Variants in BCOR observed in about 807,000 individuals in gnomAD.
BCOR encodes the protein BCL6 corepressor.
A neutral mutation model predicts 86.7 loss-of-function variants in BCOR; 10 were observed. The ratio of observed to expected loss-of-function variants is 0.12; its 90% CI spans 0.07 to 0.20. The LOEUF is 0.20. Ranked by LOEUF, BCOR falls within the 10% of genes least tolerant of loss-of-function variation. BCOR has a pLI of 1.00. For synonymous variants in BCOR, 611 were observed against 609.0 expected (o/e 1.00, Z -0.05); for missense variants, 1,259 against 1,452.1 (o/e 0.87, Z 2.16).
At chrX:40,114,978 A>G (rs1192904554) in intron 1 of BCOR, among the ~76,000 whole-genome samples, 2 of 105,539 alleles carry the variant, frequency 1.9e-5, no homozygotes, top group Non-Finnish European at 3.9e-5. Flanking sequence ...TCAGCCTCTC[A>G]TGTAGCTGGG....
At chrX:40,061,646 G>A (rs1215421117) in intron 10 of BCOR, among the ~76,000 whole-genome samples, 1 of 95,222 alleles carries the variant, frequency 1.1e-5, no homozygotes, top group Admixed American at 1.1e-4. Context: ...CCCCCACTCA[G>A]AAAGAGACCT....
Position 40,063,782 on chromosome X carries a change from C to T in BCOR, c.3673G>A (p.Ala1225Thr), listed in dbSNP as rs2147056377. The T allele has an allele frequency of 8.3e-7, 1 of 1,211,787 alleles. No individual in the cohort carries two copies. The highest frequency in any genetic ancestry group is 1.1e-6 in the Non-Finnish European group (1 of 895,544). The change falls in exon 8 of 15, where the codon GCA becomes ACA. Residue 1225 changes from alanine to threonine, a missense_variant. Around this residue, in one of 7 missense-constraint regions of BCOR, gnomAD observed 305 missense variants for 286.1 expected, o/e 1.07. Coordinates refer to ENST00000378444, the MANE Select transcript of BCOR (RefSeq NM_001123385.2). ...RERWEQQVSA[A>T]DGKPGRQSRK... ...CTTTGCCGGCCAGGTTTGCCATCTG[C>T]TGCCGACACCTGCTGCTCCCATCGT...
chrX:40,171,621 A>G (rs2148032171), intron 1 of BCOR, among the ~76,000 whole-genome samples: 1 of 112,697 alleles, frequency 8.9e-6, no homozygotes, highest in Non-Finnish European at 1.9e-5. Context: ...GACCCCGGCC[A>G]GGCGTGGAGT....
chrX:40,120,703 A>C (rs756632873), intron 1 of BCOR, among the ~76,000 whole-genome samples: 5 of 112,125 alleles, frequency 4.5e-5, no homozygotes, highest in African/African-American at 1.3e-4. Flanking sequence ...CACCCCAGGA[A>C]ACAAAACAAA....
intron 1 of BCOR, among the ~76,000 whole-genome samples, chrX:40,155,607 T>C (rs1358012232): frequency 4.6e-5 from 5 of 108,898 alleles, no homozygotes; most frequent in Non-Finnish European, 7.7e-5. Context: ...ACTCGGACTC[T>C]CAGGCCCTCC....
intron 1 of BCOR, among the ~76,000 whole-genome samples, chrX:40,129,112 C>T (rs1937576462): frequency 9.0e-6 from 1 of 111,515 alleles, no homozygotes; most frequent in South Asian, 3.7e-4. Context: ...CCCAAATGGA[C>T]AGTCTTTCCT....
intron 1 of BCOR, among the ~76,000 whole-genome samples, chrX:40,170,962 C>G (rs1292975589): frequency 1.2e-4 from 13 of 111,657 alleles, no homozygotes. Context: ...TTACAAAGTG[C>G]CTTCACATTT....
At chrX:40,084,201 C>A (rs1271742171) in intron 1 of BCOR, among the ~76,000 whole-genome samples, 1 of 112,034 alleles carries the variant, frequency 8.9e-6, no homozygotes, top group Non-Finnish European at 1.9e-5. Context: ...CTGAGGGTCG[C>A]TGCCGAACCT....
At position 40,057,236 on chromosome X, in the gene BCOR, C is replaced by A. The variant is rs1366753987; in HGVS notation, c.4514G>T (p.Cys1505Phe). The A allele has an allele frequency of 8.3e-7, 1 of 1,212,061 alleles. No homozygotes were observed. The highest frequency in any genetic ancestry group is 2.2e-5 in the Admixed American group (1 of 46,116). Residue 1505 changes from cysteine (C) to phenylalanine (F), a missense_variant, in exon 11 of 15, where the codon TGT becomes TTT. Physicochemically the swap from Cys to Phe is radical, Grantham distance 205. Coordinates refer to ENST00000378444, the MANE Select transcript of BCOR (RefSeq NM_001123385.2). ...CACAATGTTGAGCCAGCCCCTAGCA[C>A]AAGCTTCATGCAGGGCGCAGTAACC... ...NAGYCALHEA[C>F]ARGWLNIVRH... is the part of the protein sequence containing the mutation.
At chrX:40,147,705 G>A (rs2147980159) in intron 1 of BCOR, among the ~76,000 whole-genome samples, 1 of 113,261 alleles carries the variant, frequency 8.8e-6, no homozygotes, top group African/African-American at 3.2e-5. Flanking sequence ...AGGGAGGCTC[G>A]GTCGAAGACC....
At chrX:40,132,279 G>C (rs779535295) in intron 1 of BCOR, among the ~76,000 whole-genome samples, 4 of 111,853 alleles carry the variant, frequency 3.6e-5, no homozygotes, top group African/African-American at 1.3e-4. Flanking sequence ...AGCTGAGTCC[G>C]TTCCAGAATT....
chrX:40,074,002 C>T lies in BCOR; in HGVS notation c.1344G>A (p.Val448=), dbSNP rs749725951. 4.1e-6 allele frequency: 5 copies of T among 1,210,975 alleles called. No homozygotes were observed. In the African/African-American group the frequency reaches 8.7e-5, roughly 21 times the overall value. ...DKPLDLSSKV[V]DVDASKADHM... The stretch of plus-strand genomic sequence containing the variant: ...GGTCAGCTTTGGAAGCATCTACATC[C>T]ACCACTTTAGAAGACAAGTCTAGTG... Residue 448 remains valine (V), a synonymous_variant, in exon 4 of 15, where the codon GTG becomes GTA. Transcript: ENST00000378444.
At position 40,072,437 on chromosome X, in the gene BCOR, G is replaced by A. The variant is rs771757019; in HGVS notation, c.2909C>T (p.Ala970Val). Residue 970 changes from alanine to valine, a missense_variant, in exon 4 of 15, where the codon GCG becomes GTG. Around this residue, in one of 7 missense-constraint regions of BCOR, gnomAD observed 56 missense variants for 106.6 expected, o/e 0.53. Transcript: ENST00000378444. ...TTTGAATCGGTCACCCACGTAACCC[G>A]CTGAGTTGGCGATTCTCTTTGCCAG... ...SKLAKRIANS[A>V]GYVGDRFKCV... The A allele has an allele frequency of 2.5e-6, 3 of 1,210,608 alleles. No individual in the cohort carries two copies. Among genetic ancestry groups the A allele is most frequent in the Admixed American group, 2.2e-5 (1 of 45,996 alleles).
At chrX:40,173,381 G>A (rs751571138) in intron 1 of BCOR, among the ~76,000 whole-genome samples, 1 of 112,293 alleles carries the variant, frequency 8.9e-6, no homozygotes, top group Non-Finnish European at 1.9e-5. Flanking sequence ...AAGGTGCTTA[G>A]AACGCTGCCT....
intron 1 of BCOR, among the ~76,000 whole-genome samples, chrX:40,095,831 G>A (rs749291335): frequency 3.9e-5 from 4 of 102,869 alleles, no homozygotes; most frequent in African/African-American, 1.4e-4. Flanking sequence ...TTCTGGAAAA[G>A]ATTCATTAAC....
At chrX:40,164,776 A>G (rs1228920570) in intron 1 of BCOR, among the ~76,000 whole-genome samples, 1 of 112,258 alleles carries the variant, frequency 8.9e-6, no homozygotes, top group Non-Finnish European at 1.9e-5. Flanking sequence ...AAGAAGTGTT[A>G]GCTTACTTCA....
At chrX:40,101,370 G>C (rs1268927831), upstream of BCOR, among the ~76,000 whole-genome samples, 1 of 112,139 alleles carries the variant, frequency 8.9e-6, no homozygotes. Flanking sequence ...GAGGAGGAGA[G>C]AGTGAGCAAA....
chrX:40,149,418 T>A (rs1042940588), intron 1 of BCOR, among the ~76,000 whole-genome samples: 1 of 110,933 alleles, frequency 9.0e-6, no homozygotes, highest in Non-Finnish European at 1.9e-5. Flanking sequence ...CACAACCAGC[T>A]CTTCTAAAAA....
chrX:40,073,239 G>A lies in BCOR; in HGVS notation c.2107C>T (p.Pro703Ser), dbSNP rs2147225754. 1.7e-6 allele frequency: 2 copies of A among 1,211,944 alleles called. No individual in the cohort carries two copies. Among genetic ancestry groups the A allele is most frequent in the Non-Finnish European group, 2.2e-6 (2 of 895,514 alleles). Residue 703 changes from proline (P) to serine (S), a missense_variant, in exon 4 of 15, where the codon CCC (proline) becomes TCC (serine). Coordinates refer to ENST00000378444, the MANE Select transcript of BCOR (RefSeq NM_001123385.2). ...PGHLAPKPGL[P>S]YGLPTGRPEF... ...GGACGGCCGGTGGGAAGCCCATAGG[G>A]CAGCCCAGGCTTTGGGGCAAGGTGC...
Sources: allele counts gnomAD v4.1 joint callset (sites outside exome capture counted in the v4.1 genomes callset), GRCh38; gene constraint gnomAD v4.1.1; regional missense constraint gnomAD v4.1.1; transcripts MANE v1.5; gene names NCBI Gene and HGNC (gene_info 2026-07-23, HGNC 2026-07-21).